Variants in AGAP1 observed in about 807,000 individuals in gnomAD.
AGAP1 encodes ArfGAP with GTPase domain, ankyrin repeat and PH domain 1, also known as arf-GAP with GTPase, ANK repeat and PH domain-containing protein 1.
A neutral mutation model predicts 105.3 loss-of-function variants in AGAP1; 29 were observed. The observed-to-expected ratio is 0.28, with a 90% CI of 0.21 to 0.38. AGAP1 has a LOEUF of 0.38. AGAP1 is among the 10% of genes least tolerant of loss of function. The probability of loss-of-function intolerance (pLI) is 1.00; values close to 1 mark genes in which losing one functional copy is unlikely to be tolerated. For missense variants in AGAP1, 998 were observed against 1,165.1 expected (o/e 0.86, Z 2.09); for synonymous variants, 509 against 485.9 (o/e 1.05, Z -0.63).
At chr2:235,502,485 C>T (rs762668368) in intron 1 of AGAP1, among the ~76,000 whole-genome samples, 8 of 152,088 alleles carry the variant, frequency 5.3e-5, no homozygotes, top group Non-Finnish European at 1.2e-4. Flanking sequence ...AGGTGGCCAC[C>T]CTGAGCTCTC....
At chr2:235,510,788 G>T (rs575774973) in intron 1 of AGAP1, among the ~76,000 whole-genome samples, 3 of 152,030 alleles carry the variant, frequency 2.0e-5, no homozygotes, top group African/African-American at 7.2e-5. Flanking sequence ...GTACTGATGA[G>T]GGGGGTGGGA....
rs969370505 is a variant in AGAP1, at chr2:235,704,969, CTTTTTTTTTTTTTT to C, written c.164-4196_164-4183del. ...ATTGTAAAATACAAGATGCTTTTTT[CTTTTTTTTTTTTTT>C]TTTTTTTTTTTTTGCGACAGAGTCT... On this transcript the variant is annotated intron_variant, in intron 1 of 17. Transcript: ENST00000304032. Among the ~76,000 whole-genome samples, 92 of 59,732 alleles carry C rather than the reference CTTTTTTTTTTTTTT, an allele frequency of 1.5e-3. 2 individuals carry two copies. The highest frequency in any genetic ancestry group is 2.1e-3 in the Non-Finnish European group (70 of 33,550). The allele number at this position is 59,732 out of a possible 152,430, so 39.2% of individuals were successfully genotyped here. A position where few individuals can be genotyped will look rare whatever the true frequency, so the allele number is the denominator to read the frequency against.
Position 235,750,282 on chromosome 2 carries a change from T to C in AGAP1, c.539-72T>C. On this transcript the variant is annotated intron_variant, in intron 5 of 17. Transcript: ENST00000304032. The surrounding 1 kb of genome is among the most constrained non-coding windows in gnomAD (Gnocchi z 5.3). ...CTGAGTAAGGTACTGGTTTTCCGTG[T>C]TGTGGGGAGTGTAGGAAGTATTTAG... The C allele has an allele frequency of 6.3e-7, 1 of 1,590,618 alleles. No individual in the cohort carries two copies. The highest frequency in any genetic ancestry group is 8.6e-7 in the Non-Finnish European group (1 of 1,160,754).
At chr2:236,106,417 C>A (rs1335053768) in intron 16 of AGAP1, among the ~76,000 whole-genome samples, 1 of 152,222 alleles carries the variant, frequency 6.6e-6, no homozygotes, top group Non-Finnish European at 1.5e-5. Flanking sequence ...GGGCTCAGGA[C>A]CCCTGGGCGG....
chr2:236,118,387 CT>C (rs529993131), intron 16 of AGAP1, among the ~76,000 whole-genome samples: 2,434 of 116,236 alleles, frequency 0.021, 46 homozygotes, highest in African/African-American at 0.07. Flanking sequence ...TTTTCTTTTT[CT>C]TTTTTTTTTT....
At chr2:235,816,632 T>C (rs1017170003) in intron 9 of AGAP1, among the ~76,000 whole-genome samples, 1 of 151,094 alleles carries the variant, frequency 6.6e-6, no homozygotes, top group Admixed American at 6.6e-5. Context: ...GGCTCACGCC[T>C]GTCATGTCAG....
chr2:235,733,782 CCTCA>C lies in AGAP1; in HGVS notation c.311-7174_311-7171del, dbSNP rs781138403. On this transcript the variant is annotated intron_variant, in intron 3 of 17. Coordinates refer to ENST00000304032, the MANE Select transcript of AGAP1 (RefSeq NM_001037131.3). This position sits in a 1 kb window ranked among gnomAD's most constrained non-coding sequence, Gnocchi z 5.0. ...AGTCAGCAGTCGCCACATGCAGGGT[CCTCA>C]CTCACTGCTGGTACCTTTGTGTAGT... is the stretch of plus-strand genomic sequence containing the variant. Among the ~76,000 whole-genome samples the C allele has an allele frequency of 6.6e-6, 1 of 152,004 alleles. No homozygotes were observed. Among genetic ancestry groups the C allele is most frequent in the Non-Finnish European group, 1.5e-5 (1 of 68,018 alleles).
At chr2:235,838,576 C>T (rs1446065741) in intron 9 of AGAP1, among the ~76,000 whole-genome samples, 2 of 152,170 alleles carry the variant, frequency 1.3e-5, no homozygotes, top group Non-Finnish European at 2.9e-5. Flanking sequence ...ATGTATTAGC[C>T]ACCATCAGTA....
In AGAP1 at chr2:235,738,278, T is replaced by G. The variant is rs76978893; in HGVS notation, c.311-2685T>G. 4.1e-3 allele frequency among the ~76,000 whole-genome samples: 619 copies of G among 152,222 alleles called. 2 individuals are homozygous for G. The highest frequency in any genetic ancestry group is 6.4e-3 in the Non-Finnish European group (436 of 68,018). On this transcript the variant is annotated intron_variant, in intron 3 of 17. Coordinates refer to ENST00000304032, the MANE Select transcript of AGAP1 (RefSeq NM_001037131.3). ...GGCAGGGATGGTGAGGATCCCTGTT[T>G]GCTGAGCTCCTCTGTCCCAAGCAGG...
Position 236,097,433 on chromosome 2 carries a change from G to A in AGAP1, c.2115-22759G>A, listed in dbSNP as rs543240154. On this transcript the variant is annotated intron_variant, in intron 16 of 17. Transcript: ENST00000304032. ...TTTTGAGATGGAGTCTTGCTCTGTC[G>A]CCAGGCTGGAGTGCAGTGGCGCGAC... 1.5e-4 allele frequency among the ~76,000 whole-genome samples: 17 copies of A among 112,336 alleles called. No individual in the cohort carries two copies. In the South Asian group the frequency reaches 4.1e-3, roughly 27 times the overall value. The allele number at this position is 112,336 out of a possible 152,430, so 73.7% of individuals were successfully genotyped here.
rs1417736462 is a variant in AGAP1 at position 236,125,701 on chromosome 2, T to C, written c.*1579T>C. The C allele has an allele frequency of 1.3e-5, 2 of 152,198 alleles. No individual in the cohort carries two copies. The highest frequency in any genetic ancestry group is 6.5e-5 in the Admixed American group (1 of 15,286). 9.4% of individuals were successfully genotyped at this position (152,198 alleles called of 1,614,324 possible). On this transcript the variant is annotated 3_prime_UTR_variant, in exon 18 of 18. Transcript: ENST00000304032. This position sits in a 1 kb window ranked among gnomAD's most constrained non-coding sequence, Gnocchi z 5.2. ...CCTGAGAACCCAGACGACCTTGACC[T>C]GGCAGCCCGGCCCTCCACGCTAGTA...
intron 9 of AGAP1, among the ~76,000 whole-genome samples, chr2:235,823,228 T>C (rs1958895500): frequency 6.6e-6 from 1 of 152,190 alleles, no homozygotes; most frequent in Non-Finnish European, 1.5e-5. Context: ...TGTATTATGT[T>C]AACAATTATA....
At chr2:235,538,460 T>TGTGTGTGTGTGTGTGTGTGTGC (rs1553561884) in intron 1 of AGAP1, among the ~76,000 whole-genome samples, 4 of 150,446 alleles carry the variant, frequency 2.7e-5, no homozygotes, top group African/African-American at 1.0e-4. Context: ...TGTGTGTGTG[T>TGTGTGTGTGTGTGTGTGTGTGC]GCATGCTTGT....
chr2:235,674,191 A>G (rs1003510257), intron 1 of AGAP1, among the ~76,000 whole-genome samples: 1 of 152,198 alleles, frequency 6.6e-6, no homozygotes, highest in East Asian at 1.9e-4. Flanking sequence ...CGGTGAGTTC[A>G]GGGCTGCTCC....
Position 235,934,191 on chromosome 2 carries a change from C to G in AGAP1, c.1483+3268C>G, listed in dbSNP as rs1223665676. ...TCTCAGTCCCACTGAATCCAGTCCT[C>G]AGGGGATGGGACCAGGCAACCTGTG... On this transcript the variant is annotated intron_variant, in intron 12 of 17. Transcript: ENST00000304032. This position sits in a 1 kb window ranked among gnomAD's most constrained non-coding sequence, Gnocchi z 4.9. Among the ~76,000 whole-genome samples, 1 of 152,200 alleles carries G rather than the reference C, an allele frequency of 6.6e-6. No homozygotes were observed. The highest frequency in any genetic ancestry group is 1.5e-5 in the Non-Finnish European group (1 of 68,038).
rs566708822 is a variant in AGAP1, at chr2:235,563,030, A to G, written c.163+68181A>G. Among the ~76,000 whole-genome samples the G allele has an allele frequency of 1.7e-3, 255 of 152,308 alleles. 1 individual carries two copies. Among genetic ancestry groups the G allele is most frequent in the African/African-American group, 5.9e-3 (247 of 41,562 alleles). On this transcript the variant is annotated intron_variant, in intron 1 of 17. Coordinates refer to ENST00000304032, the MANE Select transcript of AGAP1 (RefSeq NM_001037131.3). The stretch of plus-strand genomic sequence containing the variant: ...AGCCGCTGCACACCAGCCTGGGGCA[A>G]CAGAACAAGACCCTATCTCAAAAAA...
At chr2:235,818,735 G>T (rs1958606927) in intron 9 of AGAP1, among the ~76,000 whole-genome samples, 1 of 152,194 alleles carries the variant, frequency 6.6e-6, no homozygotes, top group African/African-American at 2.4e-5. Flanking sequence ...ATGCCACCAT[G>T]CCCGACTAAG....
chr2:235,530,538 C>G (rs1243503105), intron 1 of AGAP1, among the ~76,000 whole-genome samples: 1 of 152,140 alleles, frequency 6.6e-6, no homozygotes, highest in Non-Finnish European at 1.5e-5. Context: ...TGTTTCCTTG[C>G]TTTTTCCAGC....
rs575530092 is a variant in AGAP1 at position 235,543,416 on chromosome 2, TCC to T, written c.163+48570_163+48571del. On this transcript the variant is annotated intron_variant, in intron 1 of 17. Transcript: ENST00000304032. Reference sequence around the variant, plus strand: ...CTGGAATTCTGGCTGATGGGCTGTGTCCCCGTGTACGGGGAGAACTGCTGGTT... The same window carrying T: ...CTGGAATTCTGGCTGATGGGCTGTGTCCGTGTACGGGGAGAACTGCTGGTT... Among the ~76,000 whole-genome samples the T allele has an allele frequency of 1.4e-3, 218 of 152,246 alleles. 1 individual carries two copies. Among genetic ancestry groups the T allele is most frequent in the African/African-American group, 4.9e-3 (203 of 41,552 alleles).
Sources: gnomAD v4.1 joint callset for allele counts (sites outside exome capture counted in the v4.1 genomes callset) on GRCh38, gnomAD v4.1.1 for gene constraint, Gnocchi (gnomAD v3.1) non-coding constraint, MANE v1.5 for transcripts, NCBI Gene and HGNC (gene_info 2026-07-23, HGNC 2026-07-21) for gene names.